PLA2G4B: variants seen among roughly 807,000 people sequenced by gnomAD.
The protein encoded by PLA2G4B is cytosolic phospholipase A2 beta.
In PLA2G4B, 122 loss-of-function variants were observed where a neutral mutation model predicts 95.8. The ratio of observed to expected loss-of-function variants is 1.27; its 90% CI spans 1.10 to 1.48. PLA2G4B has a LOEUF of 1.48. Ranked by LOEUF, PLA2G4B falls within the 40% of genes most tolerant of loss-of-function variation. PLA2G4B has a pLI of 0.00. For synonymous variants in PLA2G4B, 518 were observed against 421.5 expected (o/e 1.23, Z -2.80); for missense variants, 1,158 against 996.2 (o/e 1.16, Z -2.19).
In PLA2G4B at chr15:41,847,650, G is replaced by T; in HGVS notation, c.2136G>T (p.Gly712=). 1 of 1,613,598 alleles carries T rather than the reference G, an allele frequency of 6.2e-7. No individual in the cohort carries two copies. The highest frequency in any genetic ancestry group is 8.5e-7 in the Non-Finnish European group (1 of 1,180,026). The change falls in exon 20 of 20, where the codon GGG becomes GGT. Residue 712 remains glycine, a splice_region_variant and synonymous_variant. Transcript: ENST00000458483. ...TGCCAGGCTGCACTCTCTCCACAGG[G>T]GTCCGGCGGACACCCGAGGAGGCGG... The part of the protein sequence containing the change: ...SDSFREYSAP[G]VRRTPEEAAA...
intron 15 of PLA2G4B, 75 bp from the exon 16 acceptor site, chr15:41,845,868 C>T: frequency 2.0e-6 from 3 of 1,520,182 alleles, no homozygotes; most frequent in Non-Finnish European, 2.6e-6. Context: ...GTTTCCTGGG[C>T]CAGGACTGGC....
rs182231677 is a variant in PLA2G4B, at chr15:41,841,467, C to A, written c.436-50C>A. 3,476 of 1,613,440 alleles carry A rather than the reference C, an allele frequency of 2.2e-3. 6 individuals are homozygous for A. Among genetic ancestry groups the A allele is most frequent in the Non-Finnish European group, 2.7e-3 (3,236 of 1,179,782 alleles). ...GCCAGGGTGCTGCGAGGGTGGGGTCCCTGAATGGGGGGTGGGGTTAGTGTC... is the reference window on the plus strand; with the variant it reads ...GCCAGGGTGCTGCGAGGGTGGGGTCACTGAATGGGGGGTGGGGTTAGTGTC... On this transcript the variant is annotated intron_variant, in intron 6 of 19. Transcript: ENST00000458483.
In PLA2G4B at chr15:41,845,072, T is replaced by C; in HGVS notation, c.1239+2T>C. On this transcript the variant is annotated splice_donor_variant, in intron 13 of 19. Transcript: ENST00000458483. LOFTEE classifies it high-confidence loss of function. ...AACGAGGCGCTGCTGCATGATGAGG[T>C]GCGGGGGCTGCGGCCTGGGGGCAGA... 4 of 1,594,598 alleles carry C rather than the reference T, an allele frequency of 2.5e-6. No homozygotes were observed. The South Asian group carries it at 4.5e-5, about 18-fold the overall frequency.
At position 41,847,503 on chromosome 15, in the gene PLA2G4B, T is replaced by C. The variant is rs201342913; in HGVS notation, c.2114T>C (p.Phe705Ser). The part of the protein sequence containing the change: ...VLHFPLVSDS[F>S]REYSAPGVRR... ...CACTTTCCTCTGGTCAGCGACTCCT[T>C]CCGGGAGTACTCGGCCCCTGGTGAG... Residue 705 changes from phenylalanine to serine, a missense_variant, in exon 19 of 20, where the codon TTC becomes TCC. Physicochemically the swap from Phe to Ser is radical, Grantham distance 155. Transcript: ENST00000458483. 1 of 1,607,164 alleles carries C rather than the reference T, an allele frequency of 6.2e-7. No individual in the cohort carries two copies. Among genetic ancestry groups the C allele is most frequent in the Non-Finnish European group, 8.5e-7 (1 of 1,175,150 alleles).
rs762295061 is a variant in PLA2G4B at position 41,844,651 on chromosome 15, G to A, written c.1016+44G>A. 3.1e-6 allele frequency: 5 copies of A among 1,612,774 alleles called. No homozygotes were observed. In the South Asian group the frequency reaches 4.4e-5, roughly 14 times the overall value. ...GATGCTGGACCCTGTGTGGCAGGGGGTGCTGGTGCCAGGGTTCTCCTAGGC... is the reference window on the plus strand; with the variant it reads ...GATGCTGGACCCTGTGTGGCAGGGGATGCTGGTGCCAGGGTTCTCCTAGGC... On this transcript the variant is annotated intron_variant, in intron 12 of 19. Coordinates refer to ENST00000458483, the MANE Select transcript of PLA2G4B (RefSeq NM_001114633.2).
In PLA2G4B at chr15:41,848,096, G is replaced by A. The variant is rs558292834; in HGVS notation, c.*236G>A. On this transcript the variant is annotated 3_prime_UTR_variant, in exon 20 of 20. Coordinates refer to ENST00000458483, the MANE Select transcript of PLA2G4B (RefSeq NM_001114633.2). ...GGCCTGTGCCTGTTTTCCCTTCTGC[G>A]CTACCTTGAGTAGTTGGAGCACTTG... is the stretch of plus-strand genomic sequence containing the variant. The A allele has an allele frequency of 2.3e-5, 14 of 600,870 alleles. No individual in the cohort carries two copies. The highest frequency in any genetic ancestry group is 3.8e-5 in the Non-Finnish European group (13 of 340,976). 37.2% of individuals were successfully genotyped at this position (600,870 alleles called of 1,614,324 possible).
chr15:41,840,235 G>C lies in PLA2G4B; in HGVS notation c.82+5G>C, dbSNP rs2065401007. 6.2e-7 allele frequency: 1 copy of C among 1,612,672 alleles called. No individual in the cohort carries two copies. The highest frequency in any genetic ancestry group is 8.5e-7 in the Non-Finnish European group (1 of 1,180,012). ...GCCTACCCTCTAAGGACCTAGGTGA[G>C]TGCGCACCGCCCTGGCCCCTGTGCT... is the stretch of plus-strand genomic sequence containing the variant. On this transcript the variant is annotated splice_donor_5th_base_variant and intron_variant, in intron 2 of 19. Transcript: ENST00000458483.
intron 4 of PLA2G4B, 58 bp from the exon 5 acceptor site, chr15:41,840,997 A>T: frequency 6.4e-7 from 1 of 1,572,608 alleles, no homozygotes; most frequent in Admixed American, 1.7e-5. Flanking sequence ...TCTCATACTC[A>T]CTGACATATG....
In PLA2G4B at chr15:41,846,523, G is replaced by A; in HGVS notation, c.1780+141G>A. Reference sequence around the variant, plus strand: ...TTGGAACAGGGGTCTTTTTCTCCTTGTCTTGGGGACCCAGGGCCCACCTGC... The same window carrying A: ...TTGGAACAGGGGTCTTTTTCTCCTTATCTTGGGGACCCAGGGCCCACCTGC... On this transcript the variant is annotated intron_variant, in intron 17 of 19. Coordinates refer to ENST00000458483, the MANE Select transcript of PLA2G4B (RefSeq NM_001114633.2). The A allele has an allele frequency of 3.3e-6, 5 of 1,503,894 alleles. No homozygotes were observed. The South Asian group carries it at 6.7e-5, about 20-fold the overall frequency. 93.2% of individuals were successfully genotyped at this position (1,503,894 alleles called of 1,614,324 possible).
Position 41,845,040 on chromosome 15 carries a change from C to T in PLA2G4B, c.1209C>T (p.Ala403=). 1 of 1,599,408 alleles carries T rather than the reference C, an allele frequency of 6.3e-7. No homozygotes were observed. The highest frequency in any genetic ancestry group is 8.5e-7 in the Non-Finnish European group (1 of 1,172,712). The change falls in exon 13 of 20, where the codon GCC becomes GCT. Residue 403 remains alanine (A), a synonymous_variant. Transcript: ENST00000458483. ...CAAGCTGCTTCACCAACCTGTGGGC[C>T]CTCATCAACGAGGCGCTGCTGCATG... The part of the protein sequence containing the change: ...GYPSCFTNLW[A]LINEALLHDE...
chr15:41,843,081 CT>C (rs11415282), intron 10 of PLA2G4B: 2,161 of 131,150 alleles, frequency 0.016, 33 homozygotes, highest in African/African-American at 0.048. Flanking sequence ...GCCCCCTGCC[CT>C]TTTTTTTTTT....
In PLA2G4B at chr15:41,841,129, G is replaced by A. The variant is rs374373174; in HGVS notation, c.392+34G>A. ...GGGGCCTGGGGCAGTTTGGGTGGGA[G>A]TGCCTTGTGGGAAGGACAGCACTAG... On this transcript the variant is annotated intron_variant, in intron 5 of 19. Coordinates refer to ENST00000458483, the MANE Select transcript of PLA2G4B (RefSeq NM_001114633.2). The A allele has an allele frequency of 4.4e-5, 71 of 1,608,890 alleles. 3 individuals are homozygous for A. The highest frequency in any genetic ancestry group is 3.6e-4 in the East Asian group (16 of 44,706).
Position 41,847,305 on chromosome 15 carries a change from TCCCTCTGAAGCCCCTTCTGCCTG to T in PLA2G4B, c.1948-27_1948-5del. 1 of 1,567,284 alleles carries T rather than the reference TCCCTCTGAAGCCCCTTCTGCCTG, an allele frequency of 6.4e-7. No individual in the cohort carries two copies. The highest frequency in any genetic ancestry group is 8.7e-7 in the Non-Finnish European group (1 of 1,154,180). On this transcript the variant is annotated splice_polypyrimidine_tract_variant and intron_variant, in intron 18 of 19. Transcript: ENST00000458483. Reference sequence around the variant, plus strand: ...AGTGTTGAGGATGCCAGGGGCCCTGTCCCTCTGAAGCCCCTTCTGCCTGCCCTGCAGCAGTTGCAGCTCCTGGG... The same window carrying T: ...AGTGTTGAGGATGCCAGGGGCCCTGTCCCTGCAGCAGTTGCAGCTCCTGGG...
At chr15:41,839,076 G>GA (rs2065377782) in intron 1 of PLA2G4B, 154 bp downstream of exon 1, 1 of 579,510 alleles carries the variant, frequency 1.7e-6, no homozygotes, top group African/African-American at 1.9e-5. Context: ...GAAGCCAGGG[G>GA]AGGAGGAGGC....
chr15:41,846,044 C>T lies in PLA2G4B; in HGVS notation c.1597C>T (p.Leu533=). The T allele has an allele frequency of 6.4e-7, 1 of 1,561,886 alleles. No individual in the cohort carries two copies. The highest frequency in any genetic ancestry group is 1.2e-5 in the South Asian group (1 of 83,946). Residue 533 remains leucine (L), a synonymous_variant, in exon 16 of 20, where the codon CTG becomes TTG. Coordinates refer to ENST00000458483, the MANE Select transcript of PLA2G4B (RefSeq NM_001114633.2). ...WDRWVRNQAN[L]DKEQVPLLKI... ...CCGCTGGGTCAGGAACCAGGCCAAC[C>T]TGGGTAAGTGCTCCGGGCCCTTCAT...
intron 11 of PLA2G4B, among the ~76,000 whole-genome samples, chr15:41,844,265 T>C (rs996577300): frequency 2.6e-5 from 4 of 152,078 alleles, no homozygotes; most frequent in Non-Finnish European, 1.5e-5. Flanking sequence ...CCTGGGCCAT[T>C]TTTTCCTGGA....
chr15:41,842,855 A>G, intron 10 of PLA2G4B: 1 of 469,486 alleles, frequency 2.1e-6, no homozygotes, highest in Non-Finnish European at 3.7e-6. Flanking sequence ...TGGAAAACGC[A>G]GGGAGGCAAG....
Position 41,843,782 on chromosome 15 carries a change from C to T in PLA2G4B, c.850C>T (p.Gln284Ter), listed in dbSNP as rs1426923728. 2.5e-6 allele frequency: 4 copies of T among 1,613,750 alleles called. No individual in the cohort carries two copies. Among genetic ancestry groups the T allele is most frequent in the South Asian group, 2.2e-5 (2 of 91,074 alleles). The change falls in exon 11 of 20, where the codon CAG (glutamine) becomes TAG (stop). Residue 284 changes from glutamine to a stop codon, truncating the protein, a stop_gained. Transcript: ENST00000458483. LOFTEE classifies it high-confidence loss of function. ...VVAAALRQAL[Q>*]LDGDLQEDEI... Reference sequence around the variant, plus strand: ...GGCCGCGGCCTTGAGGCAGGCCCTGCAGCTGGACGGAGACCTGCAGGAGGA... The same window carrying T: ...GGCCGCGGCCTTGAGGCAGGCCCTGTAGCTGGACGGAGACCTGCAGGAGGA...
In PLA2G4B at chr15:41,845,961, A is replaced by G. The variant is rs144874529; in HGVS notation, c.1514A>G (p.Tyr505Cys). 164 of 1,515,726 alleles carry G rather than the reference A, an allele frequency of 1.1e-4. 1 individual carries two copies. In the Middle Eastern group the frequency reaches 2.9e-3, roughly 27 times the overall value. 93.9% of individuals were successfully genotyped at this position (1,515,726 alleles called of 1,614,324 possible). Residue 505 changes from tyrosine (Y) to cysteine (C), a missense_variant, in exon 16 of 20, where the codon TAT (tyrosine) becomes TGT (cysteine). Physicochemically the swap from Tyr to Cys is radical, Grantham distance 194. Transcript: ENST00000458483. ...CTTTCAGGTATCTGGAGCAACCTGT[A>G]TGCAGCCAACCTCCAGGACAGCTTA... ...CFLEGIWSNL[Y>C]AANLQDSLYW...
Sources: allele counts gnomAD v4.1 joint callset (sites outside exome capture counted in the v4.1 genomes callset), GRCh38; gene constraint gnomAD v4.1.1; transcripts MANE v1.5; gene names NCBI Gene and HGNC (gene_info 2026-07-23, HGNC 2026-07-21).